The following LY96 variants were observed in gnomAD, a reference collection of about 807,000 sequenced individuals.
LY96 encodes myeloid differentiation protein-2.
Under a neutral mutation model 18.9 loss-of-function variants are expected in LY96, and 18 were observed. The observed-to-expected ratio is 0.95, with a 90% confidence interval of 0.66 to 1.41. The LOEUF is 1.41. LY96 is among the 40% of genes most tolerant of loss of function. The pLI, the probability that LY96 is intolerant of heterozygous loss-of-function variation, is 0.00. For synonymous variants in LY96, 66 were observed against 62.6 expected, an observed-to-expected ratio of 1.06 and a Z score of -0.26; for missense variants, 175 against 182.4, an observed-to-expected ratio of 0.96 and a Z score of 0.23.
At chr8:74,056,551 G>A in the LY96 span, 31 of 161,548 alleles carry the variant, frequency 1.9e-4, no homozygotes, top group African/African-American at 7.0e-4. Context: ...GGAGCTTCAC[G>A]GTGAAGGGAG....
At position 74,028,008 on chromosome 8, in the gene LY96, A is replaced by G. The variant is rs558833983; in HGVS notation, c.385-948A>G. On this transcript the variant is annotated intron_variant, in intron 4 of 4. Transcript: ENST00000284818. ...CACAATAAAACTCGATTGATCCTAA[A>G]TGGGTCCTATTAAGAATTTCTTAGT... is the stretch of plus-strand genomic sequence containing the variant. Among the ~76,000 whole-genome samples, 63 of 152,296 alleles carry G rather than the reference A, an allele frequency of 4.1e-4. 1 individual carries two copies. Among genetic ancestry groups the G allele is most frequent in the Admixed American group, 3.7e-3 (57 of 15,302 alleles).
chr8:74,036,461 A>G, the LY96 span, among the ~76,000 whole-genome samples: 1 of 152,194 alleles, frequency 6.6e-6, no homozygotes, highest in African/African-American at 2.4e-5. Context: ...CTATTATAGA[A>G]ACTAAGATGG....
chr8:74,027,030 C>T (rs968985227), intron 4 of LY96, among the ~76,000 whole-genome samples, 189 bp downstream of exon 4: 3 of 151,354 alleles, frequency 2.0e-5, no homozygotes, highest in Non-Finnish European at 2.9e-5. Context: ...ACCCGCCAAC[C>T]CCCACCCCAA....
At chr8:74,060,150 C>G in the LY96 span, among the ~76,000 whole-genome samples, 1 of 151,034 alleles carries the variant, frequency 6.6e-6, no homozygotes, top group Non-Finnish European at 1.5e-5. Flanking sequence ...TTGTTTCAAA[C>G]AACAACAACG....
At chr8:74,010,189 G>T (rs968136752) in intron 3 of LY96, 60 bp downstream of exon 3, 1 of 1,482,698 alleles carries the variant, frequency 6.7e-7, no homozygotes, top group African/African-American at 1.4e-5. Context: ...AAAATGTTAT[G>T]AAAATTAAAT....
chr8:74,017,974 T>C (rs1816679001), intron 3 of LY96, among the ~76,000 whole-genome samples: 1 of 152,210 alleles, frequency 6.6e-6, no homozygotes, highest in Non-Finnish European at 1.5e-5. Context: ...CTATTGATGC[T>C]AGGAAGAAAC....
At chr8:74,074,776 A>G in the LY96 span, among the ~76,000 whole-genome samples, 234 of 152,174 alleles carry the variant, frequency 1.5e-3, 2 homozygotes, top group African/African-American at 5.0e-3. Context: ...TCTAATTTCC[A>G]TGTGTTTGTA....
chr8:74,042,087 C>T, the LY96 span, among the ~76,000 whole-genome samples: 47 of 152,196 alleles, frequency 3.1e-4, no homozygotes, highest in Admixed American at 1.2e-3. Flanking sequence ...CTGACACTTA[C>T]GGAAAATAGA....
At chr8:74,052,447 T>C in the LY96 span, 1 of 152,188 alleles carries the variant, frequency 6.6e-6, no homozygotes, top group Non-Finnish European at 1.5e-5. Flanking sequence ...ATAGACCTAC[T>C]TTTCTTTTAT....
In LY96 at chr8:74,004,809, C is replaced by T; in HGVS notation, c.126C>T (p.Tyr42=). Residue 42 remains tyrosine, a synonymous_variant, in exon 2 of 5, where the codon TAC becomes TAT. Coordinates refer to ENST00000284818, the MANE Select transcript of LY96 (RefSeq NM_015364.5). ...ISYTYCDKMQ[Y]PISINVNPCI... ...TATTGCTTTTAGATAAAATGCAATA[C>T]CCAATTTCAATTAATGTTAACCCCT... The T allele has an allele frequency of 6.4e-7, 1 of 1,573,430 alleles. No homozygotes were observed. The highest frequency in any genetic ancestry group is 8.7e-7 in the Non-Finnish European group (1 of 1,145,876).
chr8:74,097,225 T>G, the LY96 span, among the ~76,000 whole-genome samples: 9 of 152,268 alleles, frequency 5.9e-5, no homozygotes, highest in Non-Finnish European at 1.2e-4. Flanking sequence ...CTGAGGGTAA[T>G]GTAGTTAAGA....
chr8:74,081,068 C>G, the LY96 span, among the ~76,000 whole-genome samples: 8 of 112,884 alleles, frequency 7.1e-5, no homozygotes, highest in African/African-American at 3.6e-4. Context: ...TTCTTTCTTA[C>G]TTTCTTTCTT....
At chr8:74,018,477 T>G (rs1816691259) in intron 3 of LY96, among the ~76,000 whole-genome samples, 1 of 152,046 alleles carries the variant, frequency 6.6e-6, no homozygotes, top group South Asian at 2.1e-4. Flanking sequence ...AATAATGGGA[T>G]ACTTTAACAC....
the LY96 span, among the ~76,000 whole-genome samples, chr8:74,044,118 G>C: frequency 1.4e-4 from 21 of 151,578 alleles, no homozygotes; most frequent in African/African-American, 4.8e-4. Flanking sequence ...ACATGAGAAA[G>C]GTAAACAACA....
At chr8:74,002,549 G>A (rs886338427) in intron 1 of LY96, among the ~76,000 whole-genome samples, 1 of 149,946 alleles carries the variant, frequency 6.7e-6, no homozygotes, top group African/African-American at 2.5e-5. Flanking sequence ...GTGTTCCTCA[G>A]CTCCATGATT....
the LY96 span, among the ~76,000 whole-genome samples, chr8:74,063,469 G>A: frequency 1.3e-4 from 19 of 151,988 alleles, no homozygotes; most frequent in Middle Eastern, 3.4e-3. Flanking sequence ...TTTGTCCTGT[G>A]GTATTTTTTA....
chr8:74,008,406 A>G (rs1310613750), intron 2 of LY96, among the ~76,000 whole-genome samples: 1 of 152,192 alleles, frequency 6.6e-6, no homozygotes, highest in African/African-American at 2.4e-5. Context: ...CTGCTTTTGG[A>G]GAAGTTCAAG....
the LY96 span, among the ~76,000 whole-genome samples, chr8:74,060,157 AACGACGACG>A: frequency 5.3e-5 from 8 of 151,894 alleles, no homozygotes; most frequent in East Asian, 3.9e-4. Flanking sequence ...AAACAACAAC[AACGACGACG>A]ACGACGACGA....
At chr8:74,029,722 C>T (rs565744971), downstream of LY96, among the ~76,000 whole-genome samples, 19 of 152,242 alleles carry the variant, frequency 1.2e-4, no homozygotes, top group Admixed American at 1.1e-3. Flanking sequence ...TGCAGTGGCA[C>T]CATCTCGGCT....
Sources: gnomAD v4.1 joint callset for allele counts (sites outside exome capture counted in the v4.1 genomes callset) on GRCh38, gnomAD v4.1.1 for gene constraint, MANE v1.5 for transcripts, NCBI Gene and HGNC (gene_info 2026-07-23, HGNC 2026-07-21) for gene names.